PCDHA4: variants seen among roughly 807,000 people sequenced by gnomAD.
The protein encoded by PCDHA4 is protocadherin alpha-4.
PCDHA4 carries 49 observed loss-of-function variants against 61.4 expected under a neutral mutation model. That is an observed-to-expected ratio of 0.80 (90% CI 0.63 to 1.01). The LOEUF (loss-of-function observed/expected upper bound fraction) is 1.01, where lower values mean the gene tolerates loss of function less well. PCDHA4 is among the 50% of genes least tolerant of loss of function. The probability of loss-of-function intolerance (pLI) is 0.00; values close to 1 mark genes in which losing one functional copy is unlikely to be tolerated. For missense variants in PCDHA4, 1,254 were observed against 1,235.8 expected (o/e 1.01, Z -0.22); for synonymous variants, 590 against 550.3 (o/e 1.07, Z -1.01).
chr5:140,826,087 T>C (rs1486098710), intron 1 of PCDHA4, among the ~76,000 whole-genome samples: 1 of 152,234 alleles, frequency 6.6e-6, no homozygotes, highest in East Asian at 1.9e-4. Flanking sequence ...ATTTTATAAG[T>C]ACCCTTCTAT....
chr5:140,822,407 T>C (rs2150116149), intron 1 of PCDHA4: 1 of 1,614,074 alleles, frequency 6.2e-7, no homozygotes, highest in Non-Finnish European at 8.5e-7. Context: ...CGTTTATTAG[T>C]GATTGCAACT....
At chr5:140,978,711 C>G (rs1306070484) in intron 1 of PCDHA4, among the ~76,000 whole-genome samples, 2 of 152,238 alleles carry the variant, frequency 1.3e-5, no homozygotes, top group Non-Finnish European at 2.9e-5. Flanking sequence ...GTGGCCTTTA[C>G]AAGATTATTA....
chr5:140,933,314 G>A (rs925777839), intron 1 of PCDHA4, among the ~76,000 whole-genome samples: 2 of 151,914 alleles, frequency 1.3e-5, no homozygotes, highest in Non-Finnish European at 2.9e-5. Flanking sequence ...ATGCAATCTC[G>A]TATTCTCCTG....
intron 1 of PCDHA4, among the ~76,000 whole-genome samples, chr5:140,839,583 T>A (rs1285207405): frequency 6.6e-6 from 1 of 151,916 alleles, no homozygotes; most frequent in Non-Finnish European, 1.5e-5. Context: ...AGAGATGGGG[T>A]CTTACCATGT....
intron 1 of PCDHA4, among the ~76,000 whole-genome samples, chr5:140,874,443 C>G (rs1554167205): frequency 6.6e-6 from 1 of 152,208 alleles, no homozygotes; most frequent in Non-Finnish European, 1.5e-5. Context: ...GTCCTAACTA[C>G]TAAATGACCT....
rs150677637 is a variant in PCDHA4, at chr5:140,857,404, T to A, written c.2385+47832T>A. Reference sequence around the variant, plus strand: ...TGGCCGACGTGAACGACAACGCGCCTGCGTTCGCGCAGTCCGAGTACACGG... The same window carrying A: ...TGGCCGACGTGAACGACAACGCGCCAGCGTTCGCGCAGTCCGAGTACACGG... On this transcript the variant is annotated intron_variant, in intron 1 of 3. Transcript: ENST00000530339. 5,154 of 1,597,952 alleles carry A rather than the reference T, an allele frequency of 3.2e-3. 410 individuals carry two copies. In the African/African-American group the frequency reaches 0.057, roughly 18 times the overall value.
intron 1 of PCDHA4, chr5:140,821,947 C>T: frequency 6.2e-7 from 1 of 1,614,184 alleles, no homozygotes; most frequent in Non-Finnish European, 8.5e-7. Context: ...GCTGGCGGAG[C>T]TGGTGCCGCG....
chr5:140,940,361 A>T (rs1396183629), intron 1 of PCDHA4, among the ~76,000 whole-genome samples: 1 of 152,210 alleles, frequency 6.6e-6, no homozygotes, highest in Non-Finnish European at 1.5e-5. Flanking sequence ...TGCTATTAAA[A>T]GTATTCCTTG....
At chr5:140,841,918 C>T in intron 1 of PCDHA4, 4 of 1,613,844 alleles carry the variant, frequency 2.5e-6, no homozygotes, top group Non-Finnish European at 3.4e-6. Flanking sequence ...TAAGAAAATC[C>T]TTGGACAGAG....
At position 140,858,002 on chromosome 5, in the gene PCDHA4, G is replaced by A. The variant is rs782820218; in HGVS notation, c.2385+48430G>A. On this transcript the variant is annotated intron_variant, in intron 1 of 3. Transcript: ENST00000530339. The stretch of plus-strand genomic sequence containing the variant: ...CCAGCGCCTACTGGTGCTGGTGAAG[G>A]ACCATGGCGAGCCGTCGCTGACGGC... 1.9e-6 allele frequency: 3 copies of A among 1,596,800 alleles called. No homozygotes were observed. The Admixed American group carries it at 5.1e-5, about 27-fold the overall frequency.
intron 1 of PCDHA4, among the ~76,000 whole-genome samples, chr5:140,952,912 C>A (rs1554220675): frequency 6.6e-6 from 1 of 152,042 alleles, no homozygotes; most frequent in East Asian, 1.9e-4. Flanking sequence ...GCTCATCTTA[C>A]ATGGCATGAG....
At chr5:140,990,778 T>C (rs2097414170) in intron 3 of PCDHA4, among the ~76,000 whole-genome samples, 1 of 152,208 alleles carries the variant, frequency 6.6e-6, no homozygotes, top group South Asian at 2.1e-4. Flanking sequence ...GGCTCTGTGT[T>C]GGACGATGAA....
At position 141,010,386 on chromosome 5, in the gene PCDHA4, T is replaced by C; in HGVS notation, c.*449T>C. On this transcript the variant is annotated 3_prime_UTR_variant, in exon 4 of 4. Coordinates refer to ENST00000530339, the MANE Select transcript of PCDHA4 (RefSeq NM_018907.4). ...GGGTATGCGAGTGCCAGATATTGGCTGAGACGAGCCAGCTTAGACTAATTG... is the reference window on the plus strand; with the variant it reads ...GGGTATGCGAGTGCCAGATATTGGCCGAGACGAGCCAGCTTAGACTAATTG... The C allele has an allele frequency of 7.1e-7, 1 of 1,413,970 alleles. No homozygotes were observed. The highest frequency in any genetic ancestry group is 9.4e-7 in the Non-Finnish European group (1 of 1,063,616). 87.6% of individuals were successfully genotyped at this position (1,413,970 alleles called of 1,614,324 possible). A position where few individuals can be genotyped will look rare whatever the true frequency, so the allele number is the denominator to read the frequency against.
chr5:140,950,473 G>T (rs2094486830), intron 1 of PCDHA4, among the ~76,000 whole-genome samples: 1 of 152,010 alleles, frequency 6.6e-6, no homozygotes, highest in African/African-American at 2.4e-5. Context: ...CATAGTTTCT[G>T]ATGAGAAGTG....
chr5:140,871,007 C>T (rs1554164969), intron 1 of PCDHA4: 1 of 1,613,314 alleles, frequency 6.2e-7, no homozygotes, highest in South Asian at 1.1e-5. Context: ...ACAACGCGTG[C>T]CCTGGACGAG....
rs782384759 is a variant in PCDHA4 at position 140,809,185 on chromosome 5, G to A, written c.1998G>A (p.Leu666=). Residue 666 remains leucine (L), a synonymous_variant, in exon 1 of 4, where the codon CTG becomes CTA. Transcript: ENST00000530339. ...EPALTATATV[L]VSLVESGQAP... The stretch of plus-strand genomic sequence containing the variant: ...CGCTGACGGCCACGGCCACTGTGCT[G>A]GTGTCACTTGTGGAGAGTGGACAGG... The A allele has an allele frequency of 1.2e-6, 2 of 1,614,048 alleles. No individual in the cohort carries two copies. Among genetic ancestry groups the A allele is most frequent in the Non-Finnish European group, 1.7e-6 (2 of 1,179,944 alleles).
chr5:140,840,473 G>A (rs1487904967), intron 1 of PCDHA4, among the ~76,000 whole-genome samples: 6 of 151,942 alleles, frequency 3.9e-5, no homozygotes, highest in Admixed American at 3.9e-4. Context: ...GGGGAAAAAA[G>A]TTTAAAGGCA....
At chr5:140,880,317 A>C (rs1295276378) in intron 1 of PCDHA4, among the ~76,000 whole-genome samples, 1 of 152,248 alleles carries the variant, frequency 6.6e-6, no homozygotes, top group East Asian at 1.9e-4. Flanking sequence ...ACAAGTAAAA[A>C]ATAAGATACT....
intron 1 of PCDHA4, among the ~76,000 whole-genome samples, chr5:140,936,995 A>G (rs2091251299): frequency 6.6e-6 from 1 of 151,864 alleles, no homozygotes; most frequent in Non-Finnish European, 1.5e-5. Flanking sequence ...CATTGACAAT[A>G]TTGAGACAGA....
Sources: allele counts gnomAD v4.1 joint callset (sites outside exome capture counted in the v4.1 genomes callset), GRCh38; gene constraint gnomAD v4.1.1; transcripts MANE v1.5; gene names NCBI Gene and HGNC (gene_info 2026-07-23, HGNC 2026-07-21).